ELAC1: variants seen among roughly 807,000 people sequenced by gnomAD.
ELAC1 encodes elaC ribonuclease Z 1, also known as zinc phosphodiesterase ELAC protein 1.
A neutral mutation model predicts 25.8 loss-of-function variants in ELAC1; 19 were observed. The observed-to-expected ratio is 0.74, with a 90% CI of 0.51 to 1.08. The LOEUF is 1.08. Among genes scored for constraint, ELAC1 ranks in the 50% least tolerant of loss-of-function variants. The pLI is 0.00. For synonymous variants in ELAC1, 148 were observed against 160.9 expected (o/e 0.92, Z 0.61); for missense variants, 403 against 434.6 (o/e 0.93, Z 0.65).
intron 2 of ELAC1, among the ~76,000 whole-genome samples, chr18:50,980,209 C>G (rs1192034966): frequency 1.3e-5 from 2 of 152,010 alleles, no homozygotes; most frequent in Non-Finnish European, 2.9e-5. Flanking sequence ...CAGTGGGAGG[C>G]TGAGGCAGGA....
intron 1 of ELAC1, chr18:50,968,352 C>G (rs914234392): frequency 1.3e-5 from 2 of 152,254 alleles, no homozygotes; most frequent in Non-Finnish European, 2.9e-5. Context: ...CCTGGGCTCT[C>G]TGGAGGCCGG....
chr18:50,986,011 CTTTTTTTTTTTTTT>C (rs34348056), intron 3 of ELAC1, among the ~76,000 whole-genome samples: 1 of 85,010 alleles, frequency 1.2e-5, no homozygotes, highest in East Asian at 4.0e-4. Flanking sequence ...TTGATTATAT[CTTTTTTTTTTTTTT>C]TTTTTTTTTT....
chr18:50,979,709 C>G (rs1176254923), intron 2 of ELAC1, among the ~76,000 whole-genome samples: 1 of 151,960 alleles, frequency 6.6e-6, no homozygotes, highest in East Asian at 1.9e-4. Flanking sequence ...TTTTACAGTT[C>G]CTTTATATAT....
At chr18:50,971,817 G>A (rs991917798) in intron 1 of ELAC1, among the ~76,000 whole-genome samples, 3 of 148,024 alleles carry the variant, frequency 2.0e-5, no homozygotes, top group African/African-American at 7.5e-5. Context: ...ATGCTTATAG[G>A]CCATTTGGAT....
intron 1 of ELAC1, among the ~76,000 whole-genome samples, chr18:50,973,928 C>CA (rs1394290931): frequency 6.6e-6 from 1 of 152,226 alleles, no homozygotes; most frequent in Non-Finnish European, 1.5e-5. Flanking sequence ...CATTAGAGCT[C>CA]ATTCACTCTA....
chr18:50,984,357 A>C lies in ELAC1; in HGVS notation c.419A>C (p.His140Pro). The change falls in exon 3 of 4, where the codon CAT (histidine) becomes CCT (proline). Residue 140 changes from histidine to proline, a missense_variant. Physicochemically the swap from His to Pro is moderately conservative, Grantham distance 77. Coordinates refer to ENST00000269466, the MANE Select transcript of ELAC1 (RefSeq NM_018696.3). ...CPAEELKEFA[H>P]VNRADSPPKE... The stretch of plus-strand genomic sequence containing the variant: ...GCAGAAGAACTAAAAGAATTTGCGC[A>C]TGTGAATAGAGCAGACAGTCCTCCC... 1 of 1,614,244 alleles carries C rather than the reference A, an allele frequency of 6.2e-7. No homozygotes were observed. The highest frequency in any genetic ancestry group is 1.6e-4 in the Middle Eastern group (1 of 6,062).
chr18:50,971,554 ATTTTTGT>A (rs1311903621), intron 1 of ELAC1, among the ~76,000 whole-genome samples: 1 of 151,734 alleles, frequency 6.6e-6, no homozygotes, highest in African/African-American at 2.4e-5. Context: ...TGTCCAGCTG[ATTTTTGT>A]TTTTTAATTT....
chr18:50,972,413 T>G (rs1370241247), intron 1 of ELAC1, among the ~76,000 whole-genome samples: 1 of 152,126 alleles, frequency 6.6e-6, no homozygotes, highest in Non-Finnish European at 1.5e-5. Flanking sequence ...AGGTAGCTGG[T>G]TTATTTCTGA....
rs571227087 is a variant in ELAC1, at chr18:50,972,469, T to TTGTA, written c.-8-1906_-8-1903dup. Among the ~76,000 whole-genome samples the TTGTA allele has an allele frequency of 4.9e-3, 738 of 152,012 alleles. 5 individuals carry two copies. The highest frequency in any genetic ancestry group is 0.015 in the African/African-American group (602 of 41,442). ...TCTATTTTTGTGCCAATATTATTGT[T>TTGTA]TGTATGTATGTATGTATGTATGTAT... On this transcript the variant is annotated intron_variant, in intron 1 of 3. Transcript: ENST00000269466.
At chr18:50,978,696 A>G (rs1375387434) in intron 2 of ELAC1, among the ~76,000 whole-genome samples, 1 of 152,220 alleles carries the variant, frequency 6.6e-6, no homozygotes, top group Non-Finnish European at 1.5e-5. Context: ...ATTGAAGTAT[A>G]GAGATGGAGA....
chr18:50,971,942 A>ATC (rs1907669097), intron 1 of ELAC1, among the ~76,000 whole-genome samples: 9 of 132,306 alleles, frequency 6.8e-5, no homozygotes, highest in African/African-American at 2.5e-4. Context: ...ATATATATAT[A>ATC]TCCTTTGCCT....
chr18:50,979,291 T>C (rs936851521), intron 2 of ELAC1, among the ~76,000 whole-genome samples: 1 of 152,214 alleles, frequency 6.6e-6, no homozygotes, highest in Non-Finnish European at 1.5e-5. Context: ...GGTTTTCTGC[T>C]TCAGGGTCTC....
intron 2 of ELAC1, among the ~76,000 whole-genome samples, chr18:50,979,977 C>T (rs746643406): frequency 2.0e-5 from 3 of 152,122 alleles, no homozygotes; most frequent in African/African-American, 7.2e-5. Flanking sequence ...GCAGTCCACC[C>T]GCCTTGTCCT....
intron 2 of ELAC1, among the ~76,000 whole-genome samples, chr18:50,983,153 G>GTTT (rs1568188081): frequency 2.0e-5 from 2 of 100,054 alleles, no homozygotes; most frequent in African/African-American, 4.5e-5. Flanking sequence ...ATTTTACTTG[G>GTTT]TGTTTTTTTT....
At position 50,984,197 on chromosome 18, in the gene ELAC1, T is replaced by C. The variant is rs1262920810; in HGVS notation, c.259T>C (p.Ser87Pro). ...CAGCCTGCAGAGTGGCTCCATGGTGTCCAAACAGCCTATTGAAATCTATGG... is the reference window on the plus strand; with the variant it reads ...CAGCCTGCAGAGTGGCTCCATGGTGCCCAAACAGCCTATTGAAATCTATGG... ...TISLQSGSMV[S>P]KQPIEIYGPV... is the part of the protein sequence containing the mutation. The change falls in exon 3 of 4, where the codon TCC becomes CCC. Residue 87 changes from serine (S) to proline (P), a missense_variant. By Grantham distance (74) the Ser-to-Pro change is moderately conservative. Transcript: ENST00000269466. 6.2e-7 allele frequency: 1 copy of C among 1,614,138 alleles called. No homozygotes were observed. The highest frequency in any genetic ancestry group is 1.1e-5 in the South Asian group (1 of 91,082).
intron 1 of ELAC1, among the ~76,000 whole-genome samples, chr18:50,970,802 G>A (rs1907630822): frequency 6.8e-6 from 1 of 148,114 alleles, no homozygotes; most frequent in Non-Finnish European, 1.5e-5. Flanking sequence ...TTAACCCCCC[G>A]CACAGCCCCC....
intron 2 of ELAC1, among the ~76,000 whole-genome samples, chr18:50,982,063 C>A (rs528942010): frequency 1.3e-5 from 2 of 152,234 alleles, no homozygotes; most frequent in South Asian, 4.1e-4. Flanking sequence ...TCAGACTGGT[C>A]TCAAACTCCC....
intron 3 of ELAC1, 26 bp from the exon 4 acceptor site, chr18:50,986,593 G>A (rs1283278206): frequency 1.3e-6 from 2 of 1,532,588 alleles, no homozygotes; most frequent in African/African-American, 2.8e-5. Flanking sequence ...TTCCTATGAT[G>A]TAATGTTATC....
At chr18:50,968,510 CGAA>C (rs1280496448) in intron 1 of ELAC1, 3 of 152,450 alleles carry the variant, frequency 2.0e-5, no homozygotes, top group Admixed American at 6.5e-5. Context: ...TGCCTGAAAA[CGAA>C]GGAGCGCCGG....
Sources: gnomAD v4.1 joint callset for allele counts (sites outside exome capture counted in the v4.1 genomes callset) on GRCh38, gnomAD v4.1.1 for gene constraint, MANE v1.5 for transcripts, NCBI Gene and HGNC (gene_info 2026-07-23, HGNC 2026-07-21) for gene names.